Variants in MELK observed in about 807,000 individuals in gnomAD.
The protein encoded by MELK is maternal embryonic leucine zipper kinase.
Under a neutral mutation model 85.0 loss-of-function variants are expected in MELK, and 81 were observed. That is an observed-to-expected ratio of 0.95 (90% CI 0.80 to 1.15). The LOEUF (loss-of-function observed/expected upper bound fraction) is 1.15. Among genes scored for constraint, MELK ranks in the 50% most tolerant of loss-of-function variants. MELK has a pLI of 0.00. For synonymous variants in MELK, 252 were observed against 265.0 expected, an observed-to-expected ratio of 0.95 and a Z score of 0.48; for missense variants, 754 against 777.5, an observed-to-expected ratio of 0.97 and a Z score of 0.36.
intron 5 of MELK, 79 bp from the exon 6 acceptor site, chr9:36,597,143 C>T (rs763709723): frequency 6.0e-5 from 76 of 1,261,912 alleles, no homozygotes; most frequent in Non-Finnish European, 7.4e-5. Flanking sequence ...GGCCTTAAGT[C>T]ATTTTTAGAA....
intron 7 of MELK, among the ~76,000 whole-genome samples, chr9:36,607,341 A>C (rs1825655839): frequency 6.6e-6 from 1 of 152,174 alleles, no homozygotes; most frequent in Non-Finnish European, 1.5e-5. Context: ...AGGAGAGTGC[A>C]TTAAATTGGA....
At chr9:36,609,308 G>A (rs1825863020) in intron 8 of MELK, among the ~76,000 whole-genome samples, 1 of 152,038 alleles carries the variant, frequency 6.6e-6, no homozygotes, top group Non-Finnish European at 1.5e-5. Flanking sequence ...ATCACAGGAA[G>A]GAAAATAGGA....
intron 7 of MELK, among the ~76,000 whole-genome samples, chr9:36,606,502 A>AT (rs1825527168): frequency 7.0e-6 from 1 of 143,708 alleles, no homozygotes; most frequent in African/African-American, 2.6e-5. Flanking sequence ...TGTATATAAT[A>AT]AATACATATG....
At chr9:36,609,405 T>C (rs1825872057) in intron 8 of MELK, among the ~76,000 whole-genome samples, 1 of 151,544 alleles carries the variant, frequency 6.6e-6, no homozygotes. Context: ...GAGGTCAGAC[T>C]AGCAGAGCAG....
intron 12 of MELK, 124 bp from the exon 13 acceptor site, chr9:36,657,117 A>G: frequency 1.8e-6 from 2 of 1,103,806 alleles, no homozygotes; most frequent in Non-Finnish European, 2.6e-6. Context: ...ATGTTCACAC[A>G]GTGATAAAAT....
rs541582104 is a variant in MELK, at chr9:36,585,502, T to G, written c.144+1790T>G. Among the ~76,000 whole-genome samples the G allele has an allele frequency of 9.2e-5, 14 of 152,176 alleles. No individual in the cohort carries two copies. The East Asian group carries it at 2.7e-3, about 29-fold the overall frequency. ...TTGTATTTTCAGTAGAGACAGGATT[T>G]CATCATGTTGGTCAGGCTGGTCTCG... On this transcript the variant is annotated intron_variant, in intron 3 of 17. Coordinates refer to ENST00000298048, the MANE Select transcript of MELK (RefSeq NM_014791.4).
chr9:36,579,793 C>G (rs1429871124), intron 1 of MELK, among the ~76,000 whole-genome samples: 1 of 152,080 alleles, frequency 6.6e-6, no homozygotes, highest in Non-Finnish European at 1.5e-5. Context: ...CTACTTAGCT[C>G]TATGGTTTTT....
intron 8 of MELK, among the ~76,000 whole-genome samples, chr9:36,610,660 C>T (rs1825985565): frequency 6.6e-6 from 1 of 152,192 alleles, no homozygotes; most frequent in Non-Finnish European, 1.5e-5. Flanking sequence ...TTGGCTTCTG[C>T]ATGCTGACTG....
intron 4 of MELK, among the ~76,000 whole-genome samples, 163 bp from the exon 5 acceptor site, chr9:36,594,465 T>C (rs1390198146): frequency 6.6e-6 from 1 of 152,062 alleles, no homozygotes; most frequent in East Asian, 1.9e-4. Flanking sequence ...ATTATTGACT[T>C]GTTTGATCCT....
chr9:36,605,468 T>C (rs913201322), intron 7 of MELK, among the ~76,000 whole-genome samples: 10 of 152,104 alleles, frequency 6.6e-5, no homozygotes, highest in African/African-American at 2.4e-4. Flanking sequence ...GGTTTTGGCC[T>C]CCCAAAGTGC....
intron 12 of MELK, among the ~76,000 whole-genome samples, chr9:36,654,881 C>A (rs181881384): frequency 1.3e-5 from 2 of 152,230 alleles, no homozygotes; most frequent in Non-Finnish European, 2.9e-5. Context: ...ATTTTGGGTT[C>A]GCTTCTAATC....
intron 14 of MELK, among the ~76,000 whole-genome samples, chr9:36,669,058 A>G (rs1832647874): frequency 6.6e-6 from 1 of 152,252 alleles, no homozygotes; most frequent in Non-Finnish European, 1.5e-5. Flanking sequence ...TAATAAAATT[A>G]AAAGCATGGC....
intron 8 of MELK, among the ~76,000 whole-genome samples, chr9:36,626,695 C>T (rs557194468): frequency 1.3e-5 from 2 of 152,106 alleles, no homozygotes; most frequent in African/African-American, 4.8e-5. Flanking sequence ...TGGTGGCTCA[C>T]GGCTGTAATC....
chr9:36,615,979 G>C (rs541840323), intron 8 of MELK, among the ~76,000 whole-genome samples: 1 of 152,126 alleles, frequency 6.6e-6, no homozygotes, highest in Non-Finnish European at 1.5e-5. Context: ...CTGCAATCTC[G>C]GCACTTTGGG....
intron 11 of MELK, among the ~76,000 whole-genome samples, chr9:36,647,320 C>T (rs932293307): frequency 3.3e-5 from 5 of 152,114 alleles, no homozygotes; most frequent in African/African-American, 1.2e-4. Context: ...TATGACATCT[C>T]TTTCAAAAAG....
At chr9:36,608,008 C>T (rs1317848519) in intron 8 of MELK, among the ~76,000 whole-genome samples, 2 of 151,966 alleles carry the variant, frequency 1.3e-5, no homozygotes, top group African/African-American at 2.4e-5. Flanking sequence ...AGGCCGGGCG[C>T]GGTGGCTCAC....
intron 1 of MELK, among the ~76,000 whole-genome samples, chr9:36,579,928 A>T (rs1423882847): frequency 6.6e-6 from 1 of 152,116 alleles, no homozygotes; most frequent in African/African-American, 2.4e-5. Context: ...AACCCACATA[A>T]GTTGTGAAGC....
At position 36,623,661 on chromosome 9, in the gene MELK, T is replaced by C. The variant is rs566589322; in HGVS notation, c.667-6638T>C. 3.3e-5 allele frequency among the ~76,000 whole-genome samples: 5 copies of C among 152,348 alleles called. No homozygotes were observed. In the South Asian group the frequency reaches 8.3e-4, roughly 25 times the overall value. Reference sequence around the variant, plus strand: ...ATAGCTGCAGTGGGGCAGTGCTCCATTGGGAAGGCCTATGACATTCCTCAG... The same window carrying C: ...ATAGCTGCAGTGGGGCAGTGCTCCACTGGGAAGGCCTATGACATTCCTCAG... On this transcript the variant is annotated intron_variant, in intron 8 of 17. Transcript: ENST00000298048.
At chr9:36,654,262 G>A (rs1255804829) in intron 12 of MELK, among the ~76,000 whole-genome samples, 2 of 150,998 alleles carry the variant, frequency 1.3e-5, no homozygotes, top group African/African-American at 4.9e-5. Flanking sequence ...ATACCTCTAT[G>A]CTTAGAAAAA....
Sources: allele counts gnomAD v4.1 joint callset (sites outside exome capture counted in the v4.1 genomes callset), GRCh38; gene constraint gnomAD v4.1.1; transcripts MANE v1.5; gene names NCBI Gene and HGNC (gene_info 2026-07-23, HGNC 2026-07-21).